Variants in TSPAN9 observed in about 807,000 individuals in gnomAD.
TSPAN9 encodes the protein tetraspanin 9, also known as tetraspanin-9.
In TSPAN9, 16 loss-of-function variants were observed where a neutral mutation model predicts 31.0. The observed-to-expected ratio is 0.52, with a 90% CI of 0.35 to 0.78. The LOEUF is 0.78. Among genes scored for constraint, TSPAN9 ranks in the 30% least tolerant of loss-of-function variants. The pLI is 0.01. For synonymous variants in TSPAN9, 145 were observed against 121.6 expected, an observed-to-expected ratio of 1.19 and a Z score of -1.27; for missense variants, 272 against 312.5, an observed-to-expected ratio of 0.87 and a Z score of 0.98.
chr12:3,178,169 A>ACCCACGTATCCACTC (rs2098356882), intron 2 of TSPAN9, among the ~76,000 whole-genome samples: 1 of 152,076 alleles, frequency 6.6e-6, no homozygotes, highest in African/African-American at 2.4e-5. Flanking sequence ...CGTCTCCGCT[A>ACCCACGTATCCACTC]CCCACGTATC....
At chr12:3,130,583 G>T (rs1489129958) in intron 2 of TSPAN9, among the ~76,000 whole-genome samples, 1 of 152,144 alleles carries the variant, frequency 6.6e-6, no homozygotes, top group African/African-American at 2.4e-5. Flanking sequence ...CCTGGGGCAG[G>T]GTGGCAGAGT....
At chr12:3,194,758 T>G (rs1415575934) in intron 2 of TSPAN9, among the ~76,000 whole-genome samples, 1 of 152,176 alleles carries the variant, frequency 6.6e-6, no homozygotes, top group Non-Finnish European at 1.5e-5. Flanking sequence ...TACCATTCCT[T>G]CTTTTCTACC....
chr12:3,153,751 T>C (rs61917861), intron 2 of TSPAN9, among the ~76,000 whole-genome samples: 11,872 of 145,368 alleles, frequency 0.082, 471 homozygotes, highest in Non-Finnish European at 0.095. Context: ...GCTGTCTGTT[T>C]CGCTTTCCTA....
intron 3 of TSPAN9, among the ~76,000 whole-genome samples, chr12:3,229,337 G>T (rs765917990): frequency 6.6e-6 from 1 of 152,200 alleles, no homozygotes; most frequent in African/African-American, 2.4e-5. Flanking sequence ...CATTGGTCTC[G>T]TGGCCTGGCC....
chr12:3,230,790 G>A (rs1303254721), intron 3 of TSPAN9, among the ~76,000 whole-genome samples: 1 of 152,052 alleles, frequency 6.6e-6, no homozygotes, highest in Non-Finnish European at 1.5e-5. Flanking sequence ...CCCCTGCTCC[G>A]ATCCTCAGTT....
chr12:3,114,624 C>A (rs950453626), intron 2 of TSPAN9, among the ~76,000 whole-genome samples: 1 of 152,048 alleles, frequency 6.6e-6, no homozygotes, highest in Non-Finnish European at 1.5e-5. Flanking sequence ...GGGTGGATCA[C>A]CTGAGGCCAG....
intron 2 of TSPAN9, among the ~76,000 whole-genome samples, chr12:3,161,986 C>T (rs140296285): frequency 1.5e-4 from 23 of 152,212 alleles, no homozygotes; most frequent in African/African-American, 4.1e-4. Context: ...TGCCTGGCCT[C>T]CTCAGGTTGA....
At chr12:3,198,532 G>C (rs1213943690) in intron 2 of TSPAN9, among the ~76,000 whole-genome samples, 1 of 104,674 alleles carries the variant, frequency 9.6e-6, no homozygotes, top group Non-Finnish European at 1.9e-5. Flanking sequence ...ACCAGCACAG[G>C]CCACCACCAG....
chr12:3,277,631 A>T (rs1048478727), intron 3 of TSPAN9, among the ~76,000 whole-genome samples: 9 of 152,226 alleles, frequency 5.9e-5, no homozygotes, highest in Non-Finnish European at 1.2e-4. Flanking sequence ...TATATCGAGC[A>T]TAAAATAAGA....
chr12:3,172,736 G>A lies in TSPAN9; in HGVS notation c.-17-28441G>A, dbSNP rs949386770. ...CTAGATCCATCAGCAATGTCGCTTA[G>A]CGAGGCTTTCTTCAGCTTTGGAGGC... On this transcript the variant is annotated intron_variant, in intron 2 of 8. Coordinates refer to ENST00000011898, the MANE Select transcript of TSPAN9 (RefSeq NM_006675.5). This position sits in a 1 kb window ranked among gnomAD's most constrained non-coding sequence, Gnocchi z 4.8. 1.3e-5 allele frequency: 2 copies of A among 152,304 alleles called. No homozygotes were observed. The highest frequency in any genetic ancestry group is 2.9e-5 in the Non-Finnish European group (2 of 68,100). 9.4% of individuals were successfully genotyped at this position (152,304 alleles called of 1,614,324 possible).
At chr12:3,080,330 CTTTT>C (rs112960008) in intron 1 of TSPAN9, among the ~76,000 whole-genome samples, 4 of 151,950 alleles carry the variant, frequency 2.6e-5, no homozygotes, top group African/African-American at 9.6e-5. Flanking sequence ...AATGTAAAAT[CTTTT>C]TTTTGTTGTT....
At chr12:3,183,876 T>C (rs1332459768) in intron 2 of TSPAN9, among the ~76,000 whole-genome samples, 1 of 152,268 alleles carries the variant, frequency 6.6e-6, no homozygotes, top group Non-Finnish European at 1.5e-5. Context: ...GGTACAATGA[T>C]GTCTGCTGCA....
At chr12:3,183,521 A>AGT (rs890229597) in intron 2 of TSPAN9, among the ~76,000 whole-genome samples, 1 of 152,194 alleles carries the variant, frequency 6.6e-6, no homozygotes, top group Admixed American at 6.5e-5. Flanking sequence ...CTGCTTGGTT[A>AGT]GTGAAAGGAT....
rs973457416 is a variant in TSPAN9, at chr12:3,170,560, G to C, written c.-17-30617G>C. Among the ~76,000 whole-genome samples the C allele has an allele frequency of 6.6e-6, 1 of 151,480 alleles. No individual in the cohort carries two copies. Among genetic ancestry groups the C allele is most frequent in the Admixed American group, 6.6e-5 (1 of 15,166 alleles). Reference sequence around the variant, plus strand: ...ATCTGATCTGGTGGATGTGCGTGGCGTAGATAAGAGATCACTGAGTCAGTT... The same window carrying C: ...ATCTGATCTGGTGGATGTGCGTGGCCTAGATAAGAGATCACTGAGTCAGTT... On this transcript the variant is annotated intron_variant, in intron 2 of 8. Transcript: ENST00000011898. The surrounding 1 kb of genome is among the most constrained non-coding windows in gnomAD (Gnocchi z 4.4).
chr12:3,137,875 TC>T lies in TSPAN9; in HGVS notation c.-18+54159del, dbSNP rs1199664066. On this transcript the variant is annotated intron_variant, in intron 2 of 8. Coordinates refer to ENST00000011898, the MANE Select transcript of TSPAN9 (RefSeq NM_006675.5). ...CAGCTCTTCAGGGGCTTGACTTCCTTCCCTCGTCCTATCCCAGGCCCCTTGA... is the reference window on the plus strand; with the variant it reads ...CAGCTCTTCAGGGGCTTGACTTCCTTCCTCGTCCTATCCCAGGCCCCTTGA... Among the ~76,000 whole-genome samples the T allele has an allele frequency of 2.0e-5, 3 of 152,210 alleles. No individual in the cohort carries two copies. The South Asian group carries it at 6.2e-4, about 32-fold the overall frequency.
chr12:3,139,357 T>C (rs1746401614), intron 2 of TSPAN9, among the ~76,000 whole-genome samples: 1 of 151,958 alleles, frequency 6.6e-6, no homozygotes. Flanking sequence ...TGTTCACACC[T>C]CCCCCTCCCC....
intron 3 of TSPAN9, among the ~76,000 whole-genome samples, chr12:3,261,539 G>C (rs1317763721): frequency 6.6e-6 from 1 of 152,208 alleles, no homozygotes; most frequent in Non-Finnish European, 1.5e-5. Context: ...CGTCTCCAAA[G>C]TAGGGGACAC....
Position 3,283,176 on chromosome 12 carries a change from C to T in TSPAN9, c.*60C>T. Reference sequence around the variant, plus strand: ...GCCCTGTGGAGGGAAGAGGATTGAGCTTTGTGTCACCTGCCTGCGCTCTCC... The same window carrying T: ...GCCCTGTGGAGGGAAGAGGATTGAGTTTTGTGTCACCTGCCTGCGCTCTCC... On this transcript the variant is annotated 3_prime_UTR_variant, in exon 9 of 9. Coordinates refer to ENST00000011898, the MANE Select transcript of TSPAN9 (RefSeq NM_006675.5). 1.3e-6 allele frequency: 2 copies of T among 1,568,966 alleles called. No individual in the cohort carries two copies. Among genetic ancestry groups the T allele is most frequent in the Non-Finnish European group, 1.7e-6 (2 of 1,152,590 alleles).
intron 3 of TSPAN9, among the ~76,000 whole-genome samples, chr12:3,206,605 T>G (rs553777670): frequency 7.3e-4 from 111 of 152,074 alleles, no homozygotes; most frequent in African/African-American, 2.5e-3. Flanking sequence ...TTTTTTTTTT[T>G]CCTTAGTTTG....
Sources: allele counts gnomAD v4.1 joint callset (sites outside exome capture counted in the v4.1 genomes callset), GRCh38; gene constraint gnomAD v4.1.1; non-coding constraint Gnocchi (gnomAD v3.1); transcripts MANE v1.5; gene names NCBI Gene and HGNC (gene_info 2026-07-23, HGNC 2026-07-21).